Variants in PCDHGA6 observed in about 807,000 individuals in gnomAD.
PCDHGA6 encodes protocadherin gamma subfamily A, 6, also known as protocadherin gamma-A6.
Under a neutral mutation model 60.6 loss-of-function variants are expected in PCDHGA6, and 41 were observed. The ratio of observed to expected loss-of-function variants is 0.68; its 90% CI spans 0.53 to 0.88. The LOEUF (loss-of-function observed/expected upper bound fraction) is 0.88, where lower values mean the gene tolerates loss of function less well. PCDHGA6 is among the 40% of genes least tolerant of loss of function. The probability of loss-of-function intolerance (pLI) is 0.00; values close to 1 mark genes in which losing one functional copy is unlikely to be tolerated. For missense variants in PCDHGA6, 1,312 were observed against 1,203.0 expected (o/e 1.09, Z -1.34); for synonymous variants, 594 against 524.4 (o/e 1.13, Z -1.81).
At chr5:141,396,764 T>C (rs1040059955) in intron 1 of PCDHGA6, 1 of 152,236 alleles carries the variant, frequency 6.6e-6, no homozygotes, top group Non-Finnish European at 1.5e-5. Context: ...CCAATAAATG[T>C]TTGTTATTAA....
At chr5:141,455,911 ATTTT>A (rs1404284843) in intron 1 of PCDHGA6, among the ~76,000 whole-genome samples, 2 of 114,614 alleles carry the variant, frequency 1.7e-5, no homozygotes, top group African/African-American at 3.3e-5. Context: ...TTATTTATTT[ATTTT>A]GAGACGGAGT....
intron 1 of PCDHGA6, among the ~76,000 whole-genome samples, chr5:141,446,777 C>CTT (rs1480571336): frequency 1.3e-5 from 2 of 152,072 alleles, no homozygotes; most frequent in Non-Finnish European, 2.9e-5. Flanking sequence ...GGTTACCATT[C>CTT]TTTTACTCTG....
At chr5:141,398,882 G>C in intron 1 of PCDHGA6, 1 of 1,613,930 alleles carries the variant, frequency 6.2e-7, no homozygotes, top group Non-Finnish European at 8.5e-7. Flanking sequence ...GTCAGCCTTC[G>C]GGAAAACGTG....
chr5:141,433,048 G>T (rs777523454), intron 1 of PCDHGA6: 20 of 1,614,142 alleles, frequency 1.2e-5, no homozygotes, highest in Non-Finnish European at 1.5e-5. Flanking sequence ...CCACGGACTC[G>T]CGGAAGAGTC....
chr5:141,398,937 C>A, intron 1 of PCDHGA6: 1 of 1,613,902 alleles, frequency 6.2e-7, no homozygotes. Context: ...CTGACCAAGA[C>A]GAGGGCATCA....
At chr5:141,413,198 C>T in intron 1 of PCDHGA6, 5 of 1,611,416 alleles carry the variant, frequency 3.1e-6, no homozygotes, top group Non-Finnish European at 2.5e-6. Flanking sequence ...AGGAATCGCT[C>T]AAAGGAATCA....
chr5:141,393,360 C>T, intron 1 of PCDHGA6: 1 of 1,613,968 alleles, frequency 6.2e-7, no homozygotes, highest in Non-Finnish European at 8.5e-7. Flanking sequence ...CCTGGACGTG[C>T]AGACTGGAGA....
In PCDHGA6 at chr5:141,432,700, G is replaced by C. The variant is rs1320099367; in HGVS notation, c.2424+56193G>C. 4 of 1,613,980 alleles carry C rather than the reference G, an allele frequency of 2.5e-6. No individual in the cohort carries two copies. In the Admixed American group the frequency reaches 6.7e-5, roughly 27 times the overall value. ...AGCAGAGCCTCGTAGTGGCCGTCCA[G>C]GACCACGGCCAGCCCCCTCTCTCCG... On this transcript the variant is annotated intron_variant, in intron 1 of 3. Coordinates refer to ENST00000517434, the MANE Select transcript of PCDHGA6 (RefSeq NM_018919.3). The surrounding 1 kb of genome is among the most constrained non-coding windows in gnomAD (Gnocchi z 6.0).
At chr5:141,466,077 A>G (rs1220036084) in intron 1 of PCDHGA6, among the ~76,000 whole-genome samples, 2 of 152,108 alleles carry the variant, frequency 1.3e-5, no homozygotes, top group Non-Finnish European at 2.9e-5. Context: ...AGCTGATATC[A>G]TGCCACTGCA....
At position 141,405,211 on chromosome 5, in the gene PCDHGA6, T is replaced by G. The variant is rs756004707; in HGVS notation, c.2424+28704T>G. On this transcript the variant is annotated intron_variant, in intron 1 of 3. Coordinates refer to ENST00000517434, the MANE Select transcript of PCDHGA6 (RefSeq NM_018919.3). ...GGGTTCGAGCTTTCCTACAGACCTA[T>G]TCTCAGGAGTTCTCCCTCACCGCTG... The G allele has an allele frequency of 7.4e-6, 12 of 1,613,432 alleles. No homozygotes were observed. In the South Asian group the frequency reaches 1.2e-4, roughly 16 times the overall value.
intron 1 of PCDHGA6, chr5:141,389,674 G>T (rs763404625): frequency 1.2e-6 from 2 of 1,612,448 alleles, no homozygotes; most frequent in Admixed American, 3.3e-5. Flanking sequence ...GCAGACTCAG[G>T]ACACAACGCC....
chr5:141,393,127 A>T (rs766823317), intron 1 of PCDHGA6: 14 of 1,613,320 alleles, frequency 8.7e-6, no homozygotes, highest in Non-Finnish European at 1.2e-5. Flanking sequence ...TGTCTGATAA[A>T]TATTAACACC....
At chr5:141,382,174 T>C (rs565518933) in intron 1 of PCDHGA6, among the ~76,000 whole-genome samples, 1 of 152,302 alleles carries the variant, frequency 6.6e-6, no homozygotes, top group African/African-American at 2.4e-5. Context: ...TTAGACCGTC[T>C]CTAAGGTTCT....
chr5:141,437,331 A>T (rs2097876062), intron 1 of PCDHGA6, among the ~76,000 whole-genome samples: 1 of 152,244 alleles, frequency 6.6e-6, no homozygotes, highest in South Asian at 2.1e-4. Context: ...TAAAATTTGT[A>T]GCTTCACTGT....
chr5:141,415,277 T>A lies in PCDHGA6; in HGVS notation c.2424+38770T>A, dbSNP rs533281226. 42 of 1,614,216 alleles carry A rather than the reference T, an allele frequency of 2.6e-5. No individual in the cohort carries two copies. In the South Asian group the frequency reaches 4.4e-4, roughly 17 times the overall value. On this transcript the variant is annotated intron_variant, in intron 1 of 3. Coordinates refer to ENST00000517434, the MANE Select transcript of PCDHGA6 (RefSeq NM_018919.3). Reference sequence around the variant, plus strand: ...CTCACTCTGTACCTGGTGGTAGCGGTGGCCGCGGTCTCCTGCGTCTTCCTG... The same window carrying A: ...CTCACTCTGTACCTGGTGGTAGCGGAGGCCGCGGTCTCCTGCGTCTTCCTG...
At chr5:141,398,249 T>C (rs1462140853) in intron 1 of PCDHGA6, 2 of 1,470,902 alleles carry the variant, frequency 1.4e-6, no homozygotes, top group Non-Finnish European at 1.8e-6. Context: ...CCCGAGGAAA[T>C]GCCCAAGGGC....
chr5:141,383,455 G>A (rs1330166497), intron 1 of PCDHGA6: 1 of 1,613,936 alleles, frequency 6.2e-7, no homozygotes, highest in South Asian at 1.1e-5. Context: ...GCAAAGTGGA[G>A]ACGATGAAAC....
chr5:141,432,600 C>T lies in PCDHGA6; in HGVS notation c.2424+56093C>T, dbSNP rs901310090. The T allele has an allele frequency of 1.9e-6, 3 of 1,613,832 alleles. No individual in the cohort carries two copies. The East Asian group carries it at 6.7e-5, about 36-fold the overall frequency. ...TACCGTCTGCTCAAGGCCAGCGAGCCGGGACTCTTCTCGGTGGGTCTGCAC... is the reference window on the plus strand; with the variant it reads ...TACCGTCTGCTCAAGGCCAGCGAGCTGGGACTCTTCTCGGTGGGTCTGCAC... On this transcript the variant is annotated intron_variant, in intron 1 of 3. Transcript: ENST00000517434. The surrounding 1 kb of genome is among the most constrained non-coding windows in gnomAD (Gnocchi z 6.0).
chr5:141,380,638 T>G (rs1776626783), intron 1 of PCDHGA6, among the ~76,000 whole-genome samples: 1 of 152,254 alleles, frequency 6.6e-6, no homozygotes, highest in Non-Finnish European at 1.5e-5. Context: ...AAAATGTGAA[T>G]GCTAGAGACA....
Sources: gnomAD v4.1 joint callset for allele counts (sites outside exome capture counted in the v4.1 genomes callset) on GRCh38, gnomAD v4.1.1 for gene constraint, Gnocchi (gnomAD v3.1) non-coding constraint, MANE v1.5 for transcripts, NCBI Gene and HGNC (gene_info 2026-07-23, HGNC 2026-07-21) for gene names.